The following SLC30A6 variants were observed in gnomAD, a reference collection of about 807,000 sequenced individuals.
The protein encoded by SLC30A6 is zinc transporter 6.
A neutral mutation model predicts 63.0 loss-of-function variants in SLC30A6; 55 were observed. That is an observed-to-expected ratio of 0.87 (90% confidence interval 0.70 to 1.09). The LOEUF is 1.09. Among genes scored for constraint, SLC30A6 ranks in the 50% least tolerant of loss-of-function variants. SLC30A6 has a pLI of 0.00. For missense variants in SLC30A6, 587 were observed against 549.2 expected (o/e 1.07, Z -0.69); for synonymous variants, 224 against 186.1 (o/e 1.20, Z -1.66).
In SLC30A6 at chr2:32,221,801, A is replaced by C. The variant is rs1208339773; in HGVS notation, c.*1088A>C. ...GACTACCCAACTTTTGGTGATATGC[A>C]GTGAAAGAATCCCAATTTTCTATGT... On this transcript the variant is annotated 3_prime_UTR_variant, in exon 14 of 14. Coordinates refer to ENST00000282587, the MANE Select transcript of SLC30A6 (RefSeq NM_017964.5). The C allele has an allele frequency of 6.6e-6, 1 of 152,208 alleles. No individual in the cohort carries two copies. Among genetic ancestry groups the C allele is most frequent in the Admixed American group, 6.6e-5 (1 of 15,264 alleles). The allele number at this position is 152,208 out of a possible 1,614,324, so 9.4% of individuals were successfully genotyped here. A position where few individuals can be genotyped will look rare whatever the true frequency, so the allele number is the denominator to read the frequency against.
intron 3 of SLC30A6, among the ~76,000 whole-genome samples, chr2:32,174,473 G>A (rs938574290): frequency 1.6e-4 from 24 of 150,784 alleles, no homozygotes; most frequent in African/African-American, 5.4e-4. Context: ...GATTACAGGC[G>A]TAAGCCACAA....
intron 8 of SLC30A6, among the ~76,000 whole-genome samples, chr2:32,196,271 C>T (rs922864269): frequency 2.0e-5 from 3 of 151,794 alleles, no homozygotes; most frequent in African/African-American, 4.8e-5. Context: ...GCCGAGATCA[C>T]GTCATTGCAC....
chr2:32,220,080 TATTAAC>T, intron 13 of SLC30A6, 127 bp from the exon 14 acceptor site: 2 of 979,750 alleles, frequency 2.0e-6, no homozygotes, highest in Admixed American at 5.9e-5. Context: ...CTTTAAGAAA[TATTAAC>T]ATTAAGCTTT....
At chr2:32,203,389 C>A in intron 10 of SLC30A6, 1 of 1,108,196 alleles carries the variant, frequency 9.0e-7, no homozygotes, top group South Asian at 1.2e-5. Flanking sequence ...GCACGGATGC[C>A]ATAAGGTCTC....
rs370423424 is a variant in SLC30A6, at chr2:32,171,352, A to G, written c.69A>G (p.Arg23=). ...SFFGKLLREF[R]LVAADRRSWK... is the part of the protein sequence containing the mutation. ...TTGGCAAGTTGTTACGGGAATTTAGACTTGTAGCAGCTGACCGAAGGGTAA... is the reference window on the plus strand; with the variant it reads ...TTGGCAAGTTGTTACGGGAATTTAGGCTTGTAGCAGCTGACCGAAGGGTAA... Residue 23 remains arginine, a synonymous_variant, in exon 2 of 14, where the codon AGA becomes AGG. Coordinates refer to ENST00000282587, the MANE Select transcript of SLC30A6 (RefSeq NM_017964.5). 1 of 1,613,788 alleles carries G rather than the reference A, an allele frequency of 6.2e-7. No homozygotes were observed. Among genetic ancestry groups the G allele is most frequent in the Non-Finnish European group, 8.5e-7 (1 of 1,179,812 alleles).
intron 12 of SLC30A6, among the ~76,000 whole-genome samples, chr2:32,207,502 G>C (rs1159335442): frequency 1.3e-5 from 2 of 149,738 alleles, no homozygotes; most frequent in African/African-American, 4.9e-5. Context: ...TCAGCCTCCT[G>C]AGTAGCCGGG....
At position 32,192,941 on chromosome 2, in the gene SLC30A6, C is replaced by A; in HGVS notation, c.389C>A (p.Pro130His). The change falls in exon 7 of 14, where the codon CCC becomes CAC. Residue 130 changes from proline (P) to histidine (H), a missense_variant. Pro to His is a moderately conservative substitution (Grantham distance 77). Transcript: ENST00000282587. ...KESAERFLEQ[P>H]EIHTGRLLVG... Reference sequence around the variant, plus strand: ...AGTGCAGAACGCTTTTTGGAACAGCCCGAGATACACACGTGAGATTTTATT... The same window carrying A: ...AGTGCAGAACGCTTTTTGGAACAGCACGAGATACACACGTGAGATTTTATT... 1 of 1,513,294 alleles carries A rather than the reference C, an allele frequency of 6.6e-7. No individual in the cohort carries two copies. Among genetic ancestry groups the A allele is most frequent in the Non-Finnish European group, 9.0e-7 (1 of 1,116,436 alleles). 93.7% of individuals were successfully genotyped at this position (1,513,294 alleles called of 1,614,324 possible).
In SLC30A6 at chr2:32,193,892, A is replaced by G. The variant is rs1683553437; in HGVS notation, c.405A>G (p.Gly135=). 1 of 1,611,234 alleles carries G rather than the reference A, an allele frequency of 6.2e-7. No individual in the cohort carries two copies. Among genetic ancestry groups the G allele is most frequent in the African/African-American group, 1.3e-5 (1 of 74,840 alleles). Residue 135 remains glycine, a synonymous_variant, in exon 8 of 14, where the codon GGA becomes GGG. Coordinates refer to ENST00000282587, the MANE Select transcript of SLC30A6 (RefSeq NM_017964.5). ...RFLEQPEIHT[G]RLLVGTFVAL... is the part of the protein sequence containing the mutation. Reference sequence around the variant, plus strand: ...ATGTTATCGTTGTTCTTTTTAGGGGAAGATTATTAGTTGGTACTTTTGTGG... The same window carrying G: ...ATGTTATCGTTGTTCTTTTTAGGGGGAGATTATTAGTTGGTACTTTTGTGG...
chr2:32,194,055 C>A, intron 8 of SLC30A6, 72 bp downstream of exon 8: 1 of 1,222,876 alleles, frequency 8.2e-7, no homozygotes. Context: ...TTGTTTGTTT[C>A]GTTCACTCAG....
intron 10 of SLC30A6, among the ~76,000 whole-genome samples, chr2:32,198,516 A>G (rs1231540695): frequency 6.6e-6 from 1 of 152,216 alleles, no homozygotes; most frequent in Non-Finnish European, 1.5e-5. Flanking sequence ...AATGGGAGAT[A>G]CAAGAAAAAT....
At chr2:32,197,562 T>C in intron 9 of SLC30A6, 145 bp from the exon 10 acceptor site, 3 of 1,329,120 alleles carry the variant, frequency 2.3e-6, no homozygotes, top group South Asian at 2.7e-5. Flanking sequence ...ACTTTATAAA[T>C]GAAAGGGCTT....
rs540559091 is a variant in SLC30A6 at position 32,197,476 on chromosome 2, G to A, written c.545+84G>A. ...TCTATCATGGGAACTTAAATTATTC[G>A]TTGCTGAGGTTACTACGTGAATCAC... On this transcript the variant is annotated intron_variant, in intron 9 of 13. Coordinates refer to ENST00000282587, the MANE Select transcript of SLC30A6 (RefSeq NM_017964.5). The A allele has an allele frequency of 2.9e-4, 400 of 1,372,452 alleles. 6 individuals carry two copies. The South Asian group carries it at 3.2e-3, about 11-fold the overall frequency. 85.0% of individuals were successfully genotyped at this position (1,372,452 alleles called of 1,614,324 possible).
chr2:32,188,178 A>G (rs1683004809), intron 5 of SLC30A6, among the ~76,000 whole-genome samples: 1 of 152,118 alleles, frequency 6.6e-6, no homozygotes, highest in African/African-American at 2.4e-5. Flanking sequence ...TAGGTCCTTT[A>G]TATAAGATCT....
chr2:32,176,848 C>T (rs1458097725), intron 4 of SLC30A6, among the ~76,000 whole-genome samples: 1 of 151,168 alleles, frequency 6.6e-6, no homozygotes, highest in African/African-American at 2.4e-5. Flanking sequence ...TCTCAGCTCA[C>T]TGCAACCTTC....
intron 1 of SLC30A6, among the ~76,000 whole-genome samples, chr2:32,166,385 C>G (rs1348794268): frequency 6.6e-6 from 1 of 151,918 alleles, no homozygotes; most frequent in Admixed American, 6.6e-5. Flanking sequence ...TATTAAGTAG[C>G]CTGATTACGG....
At position 32,220,473 on chromosome 2, in the gene SLC30A6, T is replaced by TC; in HGVS notation, c.1148dup (p.Pro384ThrfsTer7). 1 of 1,614,200 alleles carries TC rather than the reference T, an allele frequency of 6.2e-7. No homozygotes were observed. Among genetic ancestry groups the TC allele is most frequent in the Non-Finnish European group, 8.5e-7 (1 of 1,180,034 alleles). ...CATCAACTCCAGCTAAACCTAGTAG[T>TC]CCACCTCCAGAATTTTCATTTAACA... On this transcript the variant is annotated frameshift_variant, in exon 14 of 14. Coordinates refer to ENST00000282587, the MANE Select transcript of SLC30A6 (RefSeq NM_017964.5). LOFTEE classifies it high-confidence loss of function.
intron 1 of SLC30A6, among the ~76,000 whole-genome samples, chr2:32,166,190 G>A (rs1217992172): frequency 6.6e-6 from 1 of 152,110 alleles, no homozygotes. Flanking sequence ...TTTCTTTAAG[G>A]TAATAAAAGT....
chr2:32,171,789 T>A (rs1345514431), intron 2 of SLC30A6, among the ~76,000 whole-genome samples: 2 of 151,506 alleles, frequency 1.3e-5, no homozygotes, highest in African/African-American at 4.9e-5. Flanking sequence ...GCCTCCCGGG[T>A]TCAAGCGATT....
chr2:32,186,239 TGGTCAA>T (rs1682801468), intron 5 of SLC30A6, among the ~76,000 whole-genome samples: 1 of 152,204 alleles, frequency 6.6e-6, no homozygotes, highest in Non-Finnish European at 1.5e-5. Context: ...GTCGCCATGT[TGGTCAA>T]CCTGGTGTCC....
Sources: allele counts gnomAD v4.1 joint callset (sites outside exome capture counted in the v4.1 genomes callset), GRCh38; gene constraint gnomAD v4.1.1; transcripts MANE v1.5; gene names NCBI Gene and HGNC (gene_info 2026-07-23, HGNC 2026-07-21).